Variants in CC2D2A observed in about 807,000 individuals in gnomAD.
CC2D2A encodes coiled-coil and C2 domain-containing protein 2A.
CC2D2A carries 155 observed loss-of-function variants against 212.9 expected under a neutral mutation model. The ratio of observed to expected loss-of-function variants is 0.73; its 90% CI spans 0.64 to 0.83. The LOEUF is 0.83. CC2D2A is among the 40% of genes least tolerant of loss of function. The pLI, the probability that CC2D2A is intolerant of heterozygous loss-of-function variation, is 0.00. For missense variants in CC2D2A, 1,856 were observed against 1,956.2 expected, an observed-to-expected ratio of 0.95 and a Z score of 0.97; for synonymous variants, 667 against 686.5, an observed-to-expected ratio of 0.97 and a Z score of 0.44.
intron 30 of CC2D2A, among the ~76,000 whole-genome samples, chr4:15,581,703 C>T (rs1347774675): frequency 3.9e-5 from 6 of 152,234 alleles, no homozygotes; most frequent in Admixed American, 3.9e-4. Context: ...CTAACACCTA[C>T]TCTGTATTTA....
chr4:15,494,348 C>T (rs139455832), intron 4 of CC2D2A, among the ~76,000 whole-genome samples: 41 of 152,244 alleles, frequency 2.7e-4, no homozygotes, highest in African/African-American at 9.1e-4. Context: ...GAGTTTTCAG[C>T]TAACATAAAA....
chr4:15,575,011 A>T (rs1720339164), intron 29 of CC2D2A, among the ~76,000 whole-genome samples: 1 of 152,248 alleles, frequency 6.6e-6, no homozygotes, highest in Non-Finnish European at 1.5e-5. Context: ...AAAAATTCAA[A>T]AAATTGCAAC....
At chr4:15,561,213 C>G (rs1483036616) in intron 23 of CC2D2A, among the ~76,000 whole-genome samples, 1 of 152,216 alleles carries the variant, frequency 6.6e-6, no homozygotes, top group Non-Finnish European at 1.5e-5. Context: ...ATGGCTTCAA[C>G]TAGGGGTGTG....
chr4:15,588,482 A>G (rs1479815052), intron 32 of CC2D2A, among the ~76,000 whole-genome samples: 1 of 152,200 alleles, frequency 6.6e-6, no homozygotes, highest in Non-Finnish European at 1.5e-5. Flanking sequence ...TCCCTAGCCC[A>G]CTACAAATAT....
intron 18 of CC2D2A, among the ~76,000 whole-genome samples, chr4:15,551,906 A>G (rs1719027691): frequency 2.0e-5 from 3 of 152,152 alleles, no homozygotes; most frequent in Non-Finnish European, 4.4e-5. Flanking sequence ...CCTCAGGTCC[A>G]GAGACTTAGG....
chr4:15,559,318 A>G, intron 22 of CC2D2A, 61 bp downstream of exon 22: 2 of 1,058,920 alleles, frequency 1.9e-6, no homozygotes, highest in Non-Finnish European at 2.8e-6. Flanking sequence ...CCTAAGGTGG[A>G]AAGTCCTCTA....
At chr4:15,535,071 T>C (rs1241401836) in intron 14 of CC2D2A, among the ~76,000 whole-genome samples, 8 of 152,142 alleles carry the variant, frequency 5.3e-5, no homozygotes, top group Admixed American at 2.0e-4. Context: ...AGGGACCCTA[T>C]TGCCATTGTA....
chr4:15,536,791 G>A (rs1176954014), intron 14 of CC2D2A, 129 bp from the exon 15 acceptor site: 1 of 782,804 alleles, frequency 1.3e-6, no homozygotes, highest in Non-Finnish European at 2.0e-6. Flanking sequence ...ACAGGATTGT[G>A]AGTTTACATG....
chr4:15,530,227 T>C (rs1287098943), intron 13 of CC2D2A, among the ~76,000 whole-genome samples: 1 of 152,190 alleles, frequency 6.6e-6, no homozygotes, highest in Non-Finnish European at 1.5e-5. Context: ...CGCCTTGGCC[T>C]CCCAAAGTGC....
intron 29 of CC2D2A, among the ~76,000 whole-genome samples, chr4:15,575,127 C>G (rs138847511): frequency 1.5e-4 from 23 of 152,278 alleles, no homozygotes; most frequent in African/African-American, 5.5e-4. Flanking sequence ...TGATGGTGAC[C>G]TCTTATTCAT....
intron 3 of CC2D2A, among the ~76,000 whole-genome samples, chr4:15,480,414 C>G (rs1024646073): frequency 6.6e-6 from 1 of 152,202 alleles, no homozygotes; most frequent in Non-Finnish European, 1.5e-5. Context: ...TCCTGTTTCT[C>G]TTTCCTCCAA....
In CC2D2A at chr4:15,502,520, G is replaced by C; in HGVS notation, c.336+3G>C. 1 of 1,594,506 alleles carries C rather than the reference G, an allele frequency of 6.3e-7. No homozygotes were observed. Among genetic ancestry groups the C allele is most frequent in the Non-Finnish European group, 8.5e-7 (1 of 1,174,292 alleles). On this transcript the variant is annotated splice_donor_region_variant and intron_variant, in intron 5 of 36. Coordinates refer to ENST00000424120, the MANE Select transcript of CC2D2A (RefSeq NM_001378615.1). ...GGGAGAAATTGCAAGCAGCGAGGGT[G>C]AGAGAAACCACATGAATATTCTGTT...
chr4:15,493,272 A>ATTTT, intron 4 of CC2D2A, among the ~76,000 whole-genome samples: 1 of 151,512 alleles, frequency 6.6e-6, no homozygotes, highest in East Asian at 1.9e-4. Context: ...TTATTTATTT[A>ATTTT]CTTACTTACT....
Position 15,555,155 on chromosome 4 carries a change from AG to A in CC2D2A, c.2571del (p.Glu857AspfsTer14). On this transcript the variant is annotated frameshift_variant, in exon 20 of 37. Coordinates refer to ENST00000424120, the MANE Select transcript of CC2D2A (RefSeq NM_001378615.1). LOFTEE classifies it high-confidence loss of function. ...DMKKLAKWAAESKLDPNDPNN... is the reference protein window; with the variant it reads ...DMKKLAKWAAXSKLDPNDPNN... ...AAAAAATTGGCCAAGTGGGCAGCAG[AG>A]TCCAAGCTCGACCCAAATGACCCCA... 6.2e-7 allele frequency: 1 copy of A among 1,613,970 alleles called. No individual in the cohort carries two copies.
chr4:15,527,180 C>T (rs1717552464), intron 11 of CC2D2A, among the ~76,000 whole-genome samples: 1 of 152,184 alleles, frequency 6.6e-6, no homozygotes, highest in East Asian at 1.9e-4. Flanking sequence ...AGAACTACAA[C>T]TTAGGCAAGT....
chr4:15,503,964 C>T (rs780114081), intron 6 of CC2D2A, among the ~76,000 whole-genome samples: 15 of 152,048 alleles, frequency 9.9e-5, no homozygotes, highest in Non-Finnish European at 1.9e-4. Context: ...AGCGCTAAGA[C>T]GGCAGAAAAA....
At chr4:15,477,238 G>T (rs576432639) in intron 2 of CC2D2A, among the ~76,000 whole-genome samples, 1 of 150,472 alleles carries the variant, frequency 6.6e-6, no homozygotes, top group African/African-American at 2.5e-5. Context: ...GGTGGCGGAG[G>T]TTGCGGTGAG....
chr4:15,600,575 C>A (rs955265042), intron 36 of CC2D2A, among the ~76,000 whole-genome samples: 1 of 152,104 alleles, frequency 6.6e-6, no homozygotes, highest in East Asian at 1.9e-4. Flanking sequence ...TGATCACTTG[C>A]CCATCCCCGT....
At chr4:15,562,687 A>G (rs1361446689) in intron 23 of CC2D2A, among the ~76,000 whole-genome samples, 7 of 152,376 alleles carry the variant, frequency 4.6e-5, no homozygotes, top group Non-Finnish European at 1.0e-4. Context: ...AACAATCCAA[A>G]GAAGTAGGTA....
Sources: gnomAD v4.1 joint callset for allele counts (sites outside exome capture counted in the v4.1 genomes callset) on GRCh38, gnomAD v4.1.1 for gene constraint, MANE v1.5 for transcripts, NCBI Gene and HGNC (gene_info 2026-07-23, HGNC 2026-07-21) for gene names.